RSRC1: variants seen among roughly 807,000 people sequenced by gnomAD.
The protein encoded by RSRC1 is serine/Arginine-related protein 53.
In RSRC1, 39 loss-of-function variants were observed where a neutral mutation model predicts 49.1. The ratio of observed to expected loss-of-function variants is 0.79; its 90% CI spans 0.61 to 1.04. The LOEUF is 1.04. Among genes scored for constraint, RSRC1 ranks in the 50% least tolerant of loss-of-function variants. The pLI is 0.00. For missense variants in RSRC1, 388 were observed against 402.4 expected, an observed-to-expected ratio of 0.96 and a Z score of 0.31; for synonymous variants, 143 against 130.8, an observed-to-expected ratio of 1.09 and a Z score of -0.63.
chr3:158,121,740 CAG>C (rs936636021), intron 1 of RSRC1, among the ~76,000 whole-genome samples: 1 of 152,070 alleles, frequency 6.6e-6, no homozygotes, highest in Non-Finnish European at 1.5e-5. Flanking sequence ...CTTAAAATAT[CAG>C]ATAATTGATA....
chr3:158,406,950 A>C (rs972433988), intron 6 of RSRC1, among the ~76,000 whole-genome samples: 2 of 152,110 alleles, frequency 1.3e-5, no homozygotes, highest in Non-Finnish European at 2.9e-5. Flanking sequence ...GATAGGGTGC[A>C]GTGGCCCAGT....
chr3:158,137,429 A>G (rs1255992774), intron 3 of RSRC1, among the ~76,000 whole-genome samples: 2 of 151,246 alleles, frequency 1.3e-5, no homozygotes, highest in African/African-American at 4.8e-5. Flanking sequence ...TAATAACACT[A>G]TTATTTTGCT....
chr3:158,147,525 T>TA (rs397818448), intron 3 of RSRC1, among the ~76,000 whole-genome samples: 21 of 151,784 alleles, frequency 1.4e-4, no homozygotes, highest in African/African-American at 5.1e-4. Context: ...CTTTTTTTTT[T>TA]ATTTTTCAAA....
intron 3 of RSRC1, among the ~76,000 whole-genome samples, chr3:158,126,207 G>A (rs1049540804): frequency 3.3e-5 from 5 of 152,088 alleles, no homozygotes; most frequent in Admixed American, 6.6e-5. Flanking sequence ...GTTTAATCCA[G>A]TTACATTTAC....
chr3:158,327,182 C>A (rs1729210561), intron 5 of RSRC1, among the ~76,000 whole-genome samples: 1 of 152,006 alleles, frequency 6.6e-6, no homozygotes, highest in African/African-American at 2.4e-5. Context: ...TTCAAAAAAC[C>A]AGCTCCTGGA....
At chr3:158,285,484 C>G (rs1559976719) in intron 4 of RSRC1, among the ~76,000 whole-genome samples, 1 of 151,930 alleles carries the variant, frequency 6.6e-6, no homozygotes, top group Admixed American at 6.6e-5. Flanking sequence ...TTTCCTTGGG[C>G]TATGGCCATT....
intron 3 of RSRC1, among the ~76,000 whole-genome samples, chr3:158,195,413 G>A (rs35720654): frequency 0.65 from 98,212 of 150,082 alleles, 32,359 homozygotes; most frequent in East Asian, 0.84. Context: ...TTGTCAGATG[G>A]GTAGATTGCA....
chr3:158,397,918 G>T (rs978118859), intron 6 of RSRC1, among the ~76,000 whole-genome samples: 9 of 152,108 alleles, frequency 5.9e-5, no homozygotes, highest in Admixed American at 5.2e-4. Flanking sequence ...AAGATTTTTA[G>T]AGAGGGTGGG....
At chr3:158,492,756 G>C (rs116080158) in intron 7 of RSRC1, among the ~76,000 whole-genome samples, 2 of 152,096 alleles carry the variant, frequency 1.3e-5, no homozygotes, top group Non-Finnish European at 2.9e-5. Context: ...GTAAGGAATC[G>C]TCAAGATCAT....
At chr3:158,214,360 G>C (rs1721841473) in intron 4 of RSRC1, among the ~76,000 whole-genome samples, 1 of 151,576 alleles carries the variant, frequency 6.6e-6, no homozygotes, top group Non-Finnish European at 1.5e-5. Flanking sequence ...CTGATTTTTT[G>C]AGTAAGTATT....
chr3:158,245,980 T>A (rs962040078), intron 4 of RSRC1, among the ~76,000 whole-genome samples: 5 of 152,160 alleles, frequency 3.3e-5, no homozygotes, highest in Admixed American at 6.5e-5. Flanking sequence ...TGGGTCTTGA[T>A]TCTGTATCCA....
intron 7 of RSRC1, among the ~76,000 whole-genome samples, chr3:158,463,581 C>T (rs1370710973): frequency 6.6e-6 from 1 of 151,998 alleles, no homozygotes; most frequent in Non-Finnish European, 1.5e-5. Context: ...GAAAGCATTG[C>T]GAAAATGTAG....
intron 7 of RSRC1, among the ~76,000 whole-genome samples, chr3:158,479,576 T>C (rs1578527993): frequency 6.6e-6 from 1 of 152,032 alleles, no homozygotes; most frequent in African/African-American, 2.4e-5. Flanking sequence ...TAAAAACCAT[T>C]TAACCAAGCT....
chr3:158,193,246 G>A (rs1386634372), intron 3 of RSRC1, among the ~76,000 whole-genome samples: 1 of 152,072 alleles, frequency 6.6e-6, no homozygotes, highest in Non-Finnish European at 1.5e-5. Context: ...GAATACGTAT[G>A]TAACTTTGAG....
chr3:158,116,825 G>A (rs1449849452), intron 1 of RSRC1, among the ~76,000 whole-genome samples: 1 of 152,094 alleles, frequency 6.6e-6, no homozygotes, highest in Admixed American at 6.6e-5. Context: ...ATAGGGAAAG[G>A]ATTTTTTTTT....
intron 7 of RSRC1, among the ~76,000 whole-genome samples, chr3:158,520,647 G>T (rs1711604098): frequency 6.6e-6 from 1 of 152,020 alleles, no homozygotes; most frequent in African/African-American, 2.4e-5. Flanking sequence ...TGTCCATCTG[G>T]CTGACAGGAT....
intron 3 of RSRC1, among the ~76,000 whole-genome samples, chr3:158,172,747 C>T (rs550807646): frequency 4.6e-5 from 7 of 152,138 alleles, no homozygotes; most frequent in Admixed American, 2.6e-4. Flanking sequence ...ATATTAGAAG[C>T]GGCTAGTAGT....
At chr3:158,449,214 T>A (rs55879756) in intron 6 of RSRC1, among the ~76,000 whole-genome samples, 10,915 of 151,886 alleles carry the variant, frequency 0.072, 459 homozygotes, top group South Asian at 0.13. Flanking sequence ...ATAGTTTCAG[T>A]GTCTCTAAAC....
intron 4 of RSRC1, among the ~76,000 whole-genome samples, chr3:158,273,516 A>G (rs376981088): frequency 3.9e-5 from 6 of 152,208 alleles, no homozygotes; most frequent in Admixed American, 1.3e-4. Context: ...CTCACGGATA[A>G]ATTATCCCCC....
Sources: gnomAD v4.1 joint callset for allele counts (sites outside exome capture counted in the v4.1 genomes callset) on GRCh38, gnomAD v4.1.1 for gene constraint, MANE v1.5 for transcripts, NCBI Gene and HGNC (gene_info 2026-07-23, HGNC 2026-07-21) for gene names.